DSCAML1: variants seen among roughly 807,000 people sequenced by gnomAD.
DSCAML1 encodes DS cell adhesion molecule like 1.
In DSCAML1, 38 loss-of-function variants were observed where a neutral mutation model predicts 200.5. The ratio of observed to expected loss-of-function variants is 0.19; its 90% CI spans 0.15 to 0.25. The LOEUF (loss-of-function observed/expected upper bound fraction) is 0.25. Ranked by LOEUF, DSCAML1 falls within the 10% of genes least tolerant of loss-of-function variation. DSCAML1 has a pLI of 1.00. For missense variants in DSCAML1, 2,223 were observed against 2,858.8 expected, an observed-to-expected ratio of 0.78 and a Z score of 5.07; for synonymous variants, 1,215 against 1,165.0, an observed-to-expected ratio of 1.04 and a Z score of -0.87.
chr11:117,743,326 A>G (rs1255139162), intron 3 of DSCAML1, among the ~76,000 whole-genome samples: 2 of 152,190 alleles, frequency 1.3e-5, no homozygotes, highest in African/African-American at 4.8e-5. Context: ...GCCAGTCCCC[A>G]GAGGGTTACA....
At chr11:117,556,417 A>G (rs2050559778) in intron 3 of DSCAML1, among the ~76,000 whole-genome samples, 1 of 152,188 alleles carries the variant, frequency 6.6e-6, no homozygotes, top group South Asian at 2.1e-4. Context: ...AGGATGAACT[A>G]GGTTATATTT....
chr11:117,491,656 C>T (rs2049184261), intron 11 of DSCAML1, among the ~76,000 whole-genome samples: 1 of 152,120 alleles, frequency 6.6e-6, no homozygotes, highest in African/African-American at 2.4e-5. Context: ...TGCCTGGAAT[C>T]CCAGCTCCTC....
At chr11:117,595,792 G>C (rs572549111) in intron 3 of DSCAML1, among the ~76,000 whole-genome samples, 2 of 152,016 alleles carry the variant, frequency 1.3e-5, no homozygotes. Flanking sequence ...AAAAAAAAGT[G>C]ACCTTTCAGG....
Position 117,428,466 on chromosome 11 carries a change from G to C in DSCAML1, c.6024C>G (p.Thr2008=). The C allele has an allele frequency of 6.6e-7, 1 of 1,524,304 alleles. No individual in the cohort carries two copies. The highest frequency in any genetic ancestry group is 8.8e-7 in the Non-Finnish European group (1 of 1,136,640). The allele number at this position is 1,524,304 out of a possible 1,614,324, so 94.4% of individuals were successfully genotyped here. ...GTGGGCCCCCGGCTCGTGGAGGCTCGGTGCTGGGGGCCGGAGGGGCAGCGC... is the reference window on the plus strand; with the variant it reads ...GTGGGCCCCCGGCTCGTGGAGGCTCCGTGCTGGGGGCCGGAGGGGCAGCGC... ...APSAAPPAPS[T]EPPRAGGPHT... The change falls in exon 33 of 33, where the codon ACC becomes ACG. Residue 2008 remains threonine, a synonymous_variant. Coordinates refer to ENST00000651296, the MANE Select transcript of DSCAML1 (RefSeq NM_020693.4).
intron 3 of DSCAML1, among the ~76,000 whole-genome samples, chr11:117,683,172 G>A (rs1423292114): frequency 6.6e-6 from 1 of 152,162 alleles, no homozygotes; most frequent in Non-Finnish European, 1.5e-5. Context: ...GGAATTAGAG[G>A]CAGCTTATAA....
intron 3 of DSCAML1, among the ~76,000 whole-genome samples, chr11:117,691,677 C>T (rs1017320333): frequency 2.0e-5 from 3 of 152,120 alleles, no homozygotes; most frequent in African/African-American, 4.8e-5. Context: ...TTATCTTGGA[C>T]GACAAGTGTG....
chr11:117,432,210 G>T, intron 30 of DSCAML1, 142 bp downstream of exon 30: 1 of 965,866 alleles, frequency 1.0e-6, no homozygotes, highest in Non-Finnish European at 1.5e-6. Flanking sequence ...GTCTCCAGAC[G>T]CTCATTCCAG....
intron 3 of DSCAML1, among the ~76,000 whole-genome samples, chr11:117,615,665 G>A (rs549964530): frequency 3.3e-4 from 51 of 152,264 alleles, no homozygotes; most frequent in Admixed American, 6.5e-4. Context: ...AGAAGGAAGT[G>A]TGTCTGGAGA....
intron 20 of DSCAML1, 125 bp from the exon 21 acceptor site, chr11:117,444,164 C>T: frequency 4.3e-6 from 5 of 1,170,750 alleles, no homozygotes; most frequent in Non-Finnish European, 4.6e-6. Flanking sequence ...GGATTCTGTC[C>T]TATTTGCCCT....
chr11:117,694,340 A>G, intron 3 of DSCAML1, among the ~76,000 whole-genome samples: 1 of 151,516 alleles, frequency 6.6e-6, no homozygotes. Context: ...TGGGAGGCAG[A>G]GGTTGCAGTG....
In DSCAML1 at chr11:117,475,209, C is replaced by T. The variant is rs2048766073; in HGVS notation, c.2786-3173G>A. Among the ~76,000 whole-genome samples, 2 of 152,118 alleles carry T rather than the reference C, an allele frequency of 1.3e-5. 1 individual carries two copies. The highest frequency in any genetic ancestry group is 1.3e-4 in the Admixed American group (2 of 15,272). ...TTTCTTTCATCTGTTCTCTACACTG[C>T]GGCCATTGTCCACTCTACAAATACA... On this transcript the variant is annotated intron_variant, in intron 14 of 32. Coordinates refer to ENST00000651296, the MANE Select transcript of DSCAML1 (RefSeq NM_020693.4).
chr11:117,799,528 G>A (rs558320718), upstream of DSCAML1, among the ~76,000 whole-genome samples: 5 of 152,216 alleles, frequency 3.3e-5, no homozygotes, highest in Admixed American at 6.5e-5. Context: ...TCATTGTGCC[G>A]GTGACTGCAG....
chr11:117,511,888 T>C (rs915832470), intron 8 of DSCAML1, among the ~76,000 whole-genome samples: 2 of 152,258 alleles, frequency 1.3e-5, no homozygotes, highest in African/African-American at 4.8e-5. Flanking sequence ...GTGCATGCAA[T>C]ACGTACCAGG....
intron 11 of DSCAML1, among the ~76,000 whole-genome samples, chr11:117,491,231 C>T (rs1014405059): frequency 2.0e-5 from 3 of 152,212 alleles, no homozygotes; most frequent in Non-Finnish European, 4.4e-5. Flanking sequence ...CATTCATGGG[C>T]ATGACTACGA....
intron 1 of DSCAML1, among the ~76,000 whole-genome samples, chr11:117,809,639 C>G (rs1678811628): frequency 6.6e-6 from 1 of 152,218 alleles, no homozygotes; most frequent in Non-Finnish European, 1.5e-5. Context: ...CTGCCCCAGC[C>G]TGTGTCCTTG....
chr11:117,634,419 T>A (rs985521857), intron 3 of DSCAML1, among the ~76,000 whole-genome samples: 2 of 152,198 alleles, frequency 1.3e-5, no homozygotes, highest in Non-Finnish European at 2.9e-5. Flanking sequence ...TGTGACTGTG[T>A]TCCCCCTTCT....
At chr11:117,524,473 C>A (rs1283825893) in intron 5 of DSCAML1, among the ~76,000 whole-genome samples, 2 of 152,236 alleles carry the variant, frequency 1.3e-5, no homozygotes, top group Non-Finnish European at 2.9e-5. Context: ...ATCACCATCA[C>A]CCTCCTCATC....
At chr11:117,649,033 C>CCA (rs2052574685) in intron 3 of DSCAML1, among the ~76,000 whole-genome samples, 1 of 50,900 alleles carries the variant, frequency 2.0e-5, no homozygotes, top group Non-Finnish European at 6.4e-5. Flanking sequence ...CTCTCTCTCT[C>CCA]CATATATATG....
chr11:117,440,920 C>CAAAAAAAAAAAAA (rs1170541792), intron 21 of DSCAML1, among the ~76,000 whole-genome samples: 9 of 41,112 alleles, frequency 2.2e-4, no homozygotes, highest in African/African-American at 8.1e-4. Flanking sequence ...GACTCTGTCT[C>CAAAAAAAAAAAAA]AAAAAAAAAA....
Sources: gnomAD v4.1 joint callset for allele counts (sites outside exome capture counted in the v4.1 genomes callset) on GRCh38, gnomAD v4.1.1 for gene constraint, MANE v1.5 for transcripts, NCBI Gene and HGNC (gene_info 2026-07-23, HGNC 2026-07-21) for gene names.